Variants in DCAF15 observed in about 807,000 individuals in gnomAD.
DCAF15 encodes DDB1 and CUL4 associated factor 15.
DCAF15 carries 24 observed loss-of-function variants against 68.0 expected under a neutral mutation model. That is an observed-to-expected ratio of 0.35 (90% CI 0.26 to 0.50). DCAF15 has a LOEUF of 0.50. DCAF15 is among the 20% of genes least tolerant of loss of function. The pLI is 0.98. For missense variants in DCAF15, 627 were observed against 830.6 expected, an observed-to-expected ratio of 0.75 and a Z score of 3.01; for synonymous variants, 376 against 341.6, an observed-to-expected ratio of 1.10 and a Z score of -1.11.
chr19:13,956,341 T>C lies in DCAF15; in HGVS notation c.614-11T>C. Reference sequence around the variant, plus strand: ...GCCGAGAGTGAGCTGCTGTGGCGTGTGTTGCTACAGGAGACCCGAATGCAC... The same window carrying C: ...GCCGAGAGTGAGCTGCTGTGGCGTGCGTTGCTACAGGAGACCCGAATGCAC... On this transcript the variant is annotated splice_polypyrimidine_tract_variant and intron_variant, in intron 5 of 12. Transcript: ENST00000254337. 1 of 1,613,356 alleles carries C rather than the reference T, an allele frequency of 6.2e-7. No individual in the cohort carries two copies. The highest frequency in any genetic ancestry group is 8.5e-7 in the Non-Finnish European group (1 of 1,179,828).
At chr19:13,954,772 G>A (rs1213712389) in intron 3 of DCAF15, 111 bp downstream of exon 3, 1 of 1,185,406 alleles carries the variant, frequency 8.4e-7, no homozygotes, top group Non-Finnish European at 1.2e-6. Context: ...ATGTACTCCT[G>A]GGGTCATCAT....
chr19:13,960,275 T>G lies in DCAF15; in HGVS notation c.1527-12T>G, dbSNP rs755720704. The G allele has an allele frequency of 6.2e-7, 1 of 1,612,812 alleles. No homozygotes were observed. The highest frequency in any genetic ancestry group is 2.2e-5 in the East Asian group (1 of 44,874). On this transcript the variant is annotated splice_polypyrimidine_tract_variant and intron_variant, in intron 10 of 12. Coordinates refer to ENST00000254337, the MANE Select transcript of DCAF15 (RefSeq NM_138353.4). ...TGTCCCAGCGTTTGTCCTATGTCCCTCTCCACTGTAGACCAAAGACCTATC... is the reference window on the plus strand; with the variant it reads ...TGTCCCAGCGTTTGTCCTATGTCCCGCTCCACTGTAGACCAAAGACCTATC...
Position 13,959,295 on chromosome 19 carries a change from C to G in DCAF15, c.1035C>G (p.Ala345=), listed in dbSNP as rs570578146. ...GGGTCCCTGAGGAAGCCCGGCCTGC[C>G]CTGTGCCCAGGACCCTCTGGCAGCC... ...KGGVPEEARP[A]LCPGPSGSRC... The change falls in exon 7 of 13, where the codon GCC becomes GCG. Residue 345 remains alanine (A), a synonymous_variant. Coordinates refer to ENST00000254337, the MANE Select transcript of DCAF15 (RefSeq NM_138353.4). 1.7e-4 allele frequency: 277 copies of G among 1,609,664 alleles called. 2 individuals carry two copies. The South Asian group carries it at 2.8e-3, about 16-fold the overall frequency.
chr19:13,956,248 G>C lies in DCAF15; in HGVS notation c.599G>C (p.Ser200Thr), dbSNP rs767289318. The C allele has an allele frequency of 6.2e-7, 1 of 1,612,382 alleles. No homozygotes were observed. The highest frequency in any genetic ancestry group is 1.7e-5 in the Admixed American group (1 of 59,984). ...PGRCAACQDASRAHPGDPNAQ... is the reference protein window; with the variant it reads ...PGRCAACQDATRAHPGDPNAQ... ...CGCTGTGCTGCTTGCCAGGATGCCA[G>C]CCGAGCCCACCCAGGTGAGGGGGCC... The change falls in exon 5 of 13, where the codon AGC becomes ACC. Residue 200 changes from serine to threonine, a missense_variant. Around this residue, in one of 3 missense-constraint regions of DCAF15, gnomAD observed 273 missense variants for 393.7 expected, o/e 0.69. Coordinates refer to ENST00000254337, the MANE Select transcript of DCAF15 (RefSeq NM_138353.4).
At position 13,961,006 on chromosome 19, in the gene DCAF15, G is replaced by T. The variant is rs771444830; in HGVS notation, c.*11G>T. On this transcript the variant is annotated 3_prime_UTR_variant, in exon 13 of 13. Coordinates refer to ENST00000254337, the MANE Select transcript of DCAF15 (RefSeq NM_138353.4). ...TGGATCGTGCTGTGAGGGCCAGGCC[G>T]CCCCGGACACTGACTCCAACTACCT... The T allele has an allele frequency of 5.9e-5, 96 of 1,613,454 alleles. 6 individuals are homozygous for T. In the Middle Eastern group the frequency reaches 9.6e-3, roughly 161 times the overall value.
intron 12 of DCAF15, 141 bp downstream of exon 12, chr19:13,960,721 C>G: frequency 9.7e-7 from 1 of 1,030,468 alleles, no homozygotes; most frequent in Non-Finnish European, 1.4e-6. Flanking sequence ...CTCAGCAGCC[C>G]TGAAAGTGTG....
At position 13,954,366 on chromosome 19, in the gene DCAF15, C is replaced by T. The variant is rs758615186; in HGVS notation, c.159C>T (p.Leu53=). 4 of 1,613,716 alleles carry T rather than the reference C, an allele frequency of 2.5e-6. No homozygotes were observed. The highest frequency in any genetic ancestry group is 1.7e-4 in the Middle Eastern group (1 of 5,932). The change falls in exon 2 of 13, where the codon CTC becomes CTT. Residue 53 remains leucine (L), a synonymous_variant. Coordinates refer to ENST00000254337, the MANE Select transcript of DCAF15 (RefSeq NM_138353.4). ...TCAGCGGACAGCTCTCCCCTCGCCT[C>T]TTCCGGAAGCTGCCTCCCCGGGTGT... ...VKISGQLSPR[L]FRKLPPRVCV...
chr19:13,958,949 T>C (rs1973473395), intron 6 of DCAF15, 96 bp from the exon 7 acceptor site: 1 of 1,432,870 alleles, frequency 7.0e-7, no homozygotes, highest in Non-Finnish European at 9.4e-7. Flanking sequence ...CTCCTAGAAG[T>C]GTCTCCTTAA....
intron 3 of DCAF15, among the ~76,000 whole-genome samples, chr19:13,955,558 T>C (rs1302362030): frequency 6.6e-6 from 1 of 152,244 alleles, no homozygotes; most frequent in African/African-American, 2.4e-5. Context: ...ACCCTGGCTT[T>C]AGCCTTGACC....
At chr19:13,952,705 CG>C in intron 1 of DCAF15, 61 bp downstream of exon 1, 1 of 279,178 alleles carries the variant, frequency 3.6e-6, no homozygotes, top group Non-Finnish European at 5.0e-6. Context: ...ACGAGGGAGG[CG>C]GAGGGAGGAG....
rs1477380851 is a variant in DCAF15 at position 13,961,364 on chromosome 19, C to G, written c.*369C>G. The G allele has an allele frequency of 3.0e-5, 8 of 265,468 alleles. No individual in the cohort carries two copies. In the East Asian group the frequency reaches 6.4e-4, roughly 21 times the overall value. The allele number at this position is 265,468 out of a possible 1,614,324, so 16.4% of individuals were successfully genotyped here. A position where few individuals can be genotyped will look rare whatever the true frequency, so the allele number is the denominator to read the frequency against. On this transcript the variant is annotated 3_prime_UTR_variant, in exon 13 of 13. Transcript: ENST00000254337. ...ACCCCATTCCCCCTGCCCTGCCCGC[C>G]CCCAGCCTCCCCACCCAGGCCGGCA...
chr19:13,960,829 A>C (rs1462178523), intron 12 of DCAF15, 111 bp from the exon 13 acceptor site: 4 of 1,396,330 alleles, frequency 2.9e-6, no homozygotes, highest in Non-Finnish European at 2.0e-6. Context: ...GCAACTCAGC[A>C]GGGTCCCTGC....
chr19:13,960,920 G>C lies in DCAF15; in HGVS notation c.1748-20G>C. On this transcript the variant is annotated intron_variant, in intron 12 of 12. Transcript: ENST00000254337. ...CAGGCAGGCAGGGGCTCTATGCTTT[G>C]TCTCCACCTGTCCCTGTAGGGTGCT... 6.2e-7 allele frequency: 1 copy of C among 1,613,920 alleles called. No homozygotes were observed. The highest frequency in any genetic ancestry group is 8.5e-7 in the Non-Finnish European group (1 of 1,180,006).
intron 9 of DCAF15, 35 bp from the exon 10 acceptor site, chr19:13,959,949 C>T (rs771660478): frequency 1.1e-5 from 17 of 1,605,838 alleles, no homozygotes; most frequent in South Asian, 3.3e-5. Context: ...CTGGGGTCGC[C>T]CTCAACAGTT....
rs528805543 is a variant in DCAF15, at chr19:13,953,180, CAG to C, written c.132+539_132+540del. On this transcript the variant is annotated intron_variant, in intron 1 of 12. Transcript: ENST00000254337. ...CTGGATAGGGCTGAGTCTTCCCCCG[CAG>C]AGTGAGAGTTACCGAAGCAGGCTCT... is the stretch of plus-strand genomic sequence containing the variant. 1.5e-5 allele frequency: 23 copies of C among 1,509,548 alleles called. No homozygotes were observed. The African/African-American group carries it at 3.1e-4, about 21-fold the overall frequency. 93.5% of individuals were successfully genotyped at this position (1,509,548 alleles called of 1,614,324 possible).
Position 13,959,159 on chromosome 19 carries a change from C to T in DCAF15, c.899C>T (p.Pro300Leu), listed in dbSNP as rs1973484225. Residue 300 changes from proline to leucine, a missense_variant, in exon 7 of 13, where the codon CCT becomes CTT. Pro to Leu is a moderately conservative substitution (Grantham distance 98, BLOSUM62 -3). Coordinates refer to ENST00000254337, the MANE Select transcript of DCAF15 (RefSeq NM_138353.4). ...CCCCCTGCCCTCCCCAGCTTCTGCCCTGAGGCGGCCCCAGCCCGTTCTTCT... is the reference window on the plus strand; with the variant it reads ...CCCCCTGCCCTCCCCAGCTTCTGCCTTGAGGCGGCCCCAGCCCGTTCTTCT... ...ELPPALPSFC[P>L]EAAPARSSGS... 1 of 1,612,512 alleles carries T rather than the reference C, an allele frequency of 6.2e-7. No individual in the cohort carries two copies. The highest frequency in any genetic ancestry group is 1.7e-5 in the Admixed American group (1 of 59,990).
chr19:13,956,569 C>T (rs1434704651), intron 6 of DCAF15, 47 bp downstream of exon 6: 2 of 1,593,938 alleles, frequency 1.3e-6, no homozygotes, highest in Non-Finnish European at 1.7e-6. Context: ...TGAAGCGGGT[C>T]CTCTCCCTAC....
intron 1 of DCAF15, chr19:13,953,215 C>T (rs1568447415): frequency 2.9e-6 from 4 of 1,365,954 alleles, no homozygotes; most frequent in South Asian, 1.4e-5. Flanking sequence ...TCTGTCTCCT[C>T]CATCAGACTG....
chr19:13,961,217 C>A lies in DCAF15; in HGVS notation c.*222C>A. On this transcript the variant is annotated 3_prime_UTR_variant, in exon 13 of 13. Transcript: ENST00000254337. ...TTGGGAAGGGGCAGAGAGAGGGCGC[C>A]CCCTGCCCCACCAGCCTGAGTGCCC... is the stretch of plus-strand genomic sequence containing the variant. 1 of 603,148 alleles carries A rather than the reference C, an allele frequency of 1.7e-6. No individual in the cohort carries two copies. The highest frequency in any genetic ancestry group is 2.9e-6 in the Non-Finnish European group (1 of 340,674). The allele number at this position is 603,148 out of a possible 1,614,324, so 37.4% of individuals were successfully genotyped here. A position where few individuals can be genotyped will look rare whatever the true frequency, so the allele number is the denominator to read the frequency against.
Sources: gnomAD v4.1 joint callset for allele counts (sites outside exome capture counted in the v4.1 genomes callset) on GRCh38, gnomAD v4.1.1 for gene constraint, gnomAD v4.1.1 regional missense constraint, MANE v1.5 for transcripts, NCBI Gene and HGNC (gene_info 2026-07-23, HGNC 2026-07-21) for gene names.